The following RAB2A variants were observed in gnomAD, a reference collection of about 807,000 sequenced individuals.
The protein encoded by RAB2A is RAB2A, member RAS oncogene family.
In RAB2A, 7 loss-of-function variants were observed where a neutral mutation model predicts 32.5. The ratio of observed to expected loss-of-function variants is 0.22; its 90% CI spans 0.12 to 0.40. The LOEUF (loss-of-function observed/expected upper bound fraction) is 0.40. RAB2A is among the 10% of genes least tolerant of loss of function. The probability of loss-of-function intolerance (pLI) is 1.00; values close to 1 mark genes in which losing one functional copy is unlikely to be tolerated. For missense variants in RAB2A, 108 were observed against 260.7 expected, an observed-to-expected ratio of 0.41 and a Z score of 4.03; for synonymous variants, 79 against 85.2, an observed-to-expected ratio of 0.93 and a Z score of 0.40.
At chr8:60,567,897 G>A (rs1434831709) in intron 2 of RAB2A, among the ~76,000 whole-genome samples, 1 of 151,948 alleles carries the variant, frequency 6.6e-6, no homozygotes, top group Non-Finnish European at 1.5e-5. Flanking sequence ...AAAGTCTCTA[G>A]AATAATTTCC....
chr8:60,585,973 C>T (rs909384419), intron 5 of RAB2A, among the ~76,000 whole-genome samples: 3 of 152,112 alleles, frequency 2.0e-5, no homozygotes, highest in African/African-American at 7.2e-5. Context: ...GTGTGAGATG[C>T]AGTTAAAATA....
Position 60,526,056 on chromosome 8 carries a change from T to TA in RAB2A, c.46+8805dup, listed in dbSNP as rs1554550764. Reference sequence around the variant, plus strand: ...ATATATATATATATATATATATATATAAGTTTTCTGTTGCTAGCATAACAA... The same window carrying TA: ...ATATATATATATATATATATATATATAAAGTTTTCTGTTGCTAGCATAACAA... On this transcript the variant is annotated intron_variant, in intron 1 of 7. Transcript: ENST00000262646. 1.9e-3 allele frequency among the ~76,000 whole-genome samples: 239 copies of TA among 125,540 alleles called. 4 individuals carry two copies. The highest frequency in any genetic ancestry group is 5.0e-3 in the East Asian group (20 of 3,976). 82.4% of individuals were successfully genotyped at this position (125,540 alleles called of 152,430 possible). A position where few individuals can be genotyped will look rare whatever the true frequency, so the allele number is the denominator to read the frequency against.
At chr8:60,557,266 A>C (rs111424922) in intron 1 of RAB2A, among the ~76,000 whole-genome samples, 1 of 152,072 alleles carries the variant, frequency 6.6e-6, no homozygotes, top group African/African-American at 2.4e-5. Flanking sequence ...CTATAATCCC[A>C]GCATTTTGGG....
At position 60,620,766 on chromosome 8, in the gene RAB2A, T is replaced by C; in HGVS notation, c.636T>C (p.Cys212=). 6.2e-7 allele frequency: 1 copy of C among 1,612,838 alleles called. No homozygotes were observed. The highest frequency in any genetic ancestry group is 8.5e-7 in the Non-Finnish European group (1 of 1,179,632). ...GACAGCAGGCTGGGGGCGGCTGCTG[T>C]TGAGTCTGTTTTTACTGTCTAGCTG... ...QGGQQAGGGC[C] is the part of the protein sequence containing the mutation. Residue 212 remains cysteine, a synonymous_variant, in exon 8 of 8, where the codon TGT becomes TGC. Transcript: ENST00000262646.
chr8:60,545,789 A>G (rs1470546338), intron 1 of RAB2A, among the ~76,000 whole-genome samples: 1 of 152,258 alleles, frequency 6.6e-6, no homozygotes, highest in Non-Finnish European at 1.5e-5. Flanking sequence ...TGATCTGTGT[A>G]TATCCAAGAT....
At chr8:60,523,373 T>C (rs1807330549) in intron 1 of RAB2A, among the ~76,000 whole-genome samples, 1 of 151,070 alleles carries the variant, frequency 6.6e-6, no homozygotes, top group Non-Finnish European at 1.5e-5. Flanking sequence ...TAGCCAGGAT[T>C]GTCTTGATCT....
At chr8:60,619,551 A>T (rs905258119) in intron 7 of RAB2A, among the ~76,000 whole-genome samples, 1 of 152,222 alleles carries the variant, frequency 6.6e-6, no homozygotes, top group African/African-American at 2.4e-5. Flanking sequence ...GTTTCCAAAA[A>T]GTACATGATT....
chr8:60,576,094 C>T (rs1037255204), intron 3 of RAB2A: 1 of 387,526 alleles, frequency 2.6e-6, no homozygotes, highest in African/African-American at 2.1e-5. Context: ...TGAAGGCCAT[C>T]AATCAGTTTC....
chr8:60,580,314 C>T (rs1016460118), intron 3 of RAB2A, among the ~76,000 whole-genome samples: 2 of 152,094 alleles, frequency 1.3e-5, no homozygotes, highest in Non-Finnish European at 1.5e-5. Context: ...TTTTAAAAAT[C>T]AAATTACTTT....
intron 2 of RAB2A, among the ~76,000 whole-genome samples, chr8:60,568,945 G>A (rs1357302053): frequency 6.6e-6 from 1 of 152,162 alleles, no homozygotes; most frequent in Non-Finnish European, 1.5e-5. Flanking sequence ...TAAGGAAAAT[G>A]ATTTTAAAAT....
At chr8:60,519,586 C>T (rs1807270101) in intron 1 of RAB2A, among the ~76,000 whole-genome samples, 1 of 152,188 alleles carries the variant, frequency 6.6e-6, no homozygotes, top group Non-Finnish European at 1.5e-5. Flanking sequence ...TTATGTTTCT[C>T]ACTTTGTGTC....
At chr8:60,599,962 A>G (rs1259166179) in intron 6 of RAB2A, among the ~76,000 whole-genome samples, 1 of 152,114 alleles carries the variant, frequency 6.6e-6, no homozygotes, top group Non-Finnish European at 1.5e-5. Context: ...ATGAAAAGAC[A>G]CATCTTCAGA....
chr8:60,589,640 G>GA (rs1360127558), intron 5 of RAB2A, among the ~76,000 whole-genome samples: 2 of 152,158 alleles, frequency 1.3e-5, no homozygotes, highest in Admixed American at 6.5e-5. Context: ...TAAATTAAAA[G>GA]AAAGATACTT....
At chr8:60,543,895 C>T (rs1316220799) in intron 1 of RAB2A, among the ~76,000 whole-genome samples, 1 of 151,748 alleles carries the variant, frequency 6.6e-6, no homozygotes, top group Non-Finnish European at 1.5e-5. Flanking sequence ...AACCCCGTCT[C>T]TACTAAAAAT....
At chr8:60,605,832 C>CATACATATATATATATATAT (rs1804219984) in intron 6 of RAB2A, among the ~76,000 whole-genome samples, 1 of 120,806 alleles carries the variant, frequency 8.3e-6, no homozygotes, top group African/African-American at 3.8e-5. Context: ...GGGACTAATA[C>CATACATATATATATATATAT]ATATATACAT....
intron 1 of RAB2A, among the ~76,000 whole-genome samples, chr8:60,548,696 T>A (rs2130823255): frequency 7.7e-6 from 1 of 129,616 alleles, no homozygotes; most frequent in Non-Finnish European, 1.6e-5. Flanking sequence ...GAGGGGCTCC[T>A]CACTTCCCAG....
chr8:60,599,231 C>T (rs1003017516), intron 6 of RAB2A, among the ~76,000 whole-genome samples: 4 of 152,010 alleles, frequency 2.6e-5, no homozygotes, highest in African/African-American at 7.3e-5. Context: ...ACAGCATGTG[C>T]AGGCCATGTA....
intron 7 of RAB2A, among the ~76,000 whole-genome samples, chr8:60,619,626 A>G (rs190083633): frequency 6.6e-5 from 10 of 152,316 alleles, no homozygotes; most frequent in Non-Finnish European, 1.3e-4. Flanking sequence ...ATATGACGGT[A>G]CTTCTTGAGT....
At chr8:60,556,265 C>G (rs921067523) in intron 1 of RAB2A, among the ~76,000 whole-genome samples, 1 of 152,096 alleles carries the variant, frequency 6.6e-6, no homozygotes, top group African/African-American at 2.4e-5. Flanking sequence ...TACAAAATTA[C>G]AGCAGGAATA....
Sources: allele counts gnomAD v4.1 joint callset (sites outside exome capture counted in the v4.1 genomes callset), GRCh38; gene constraint gnomAD v4.1.1; transcripts MANE v1.5; gene names NCBI Gene and HGNC (gene_info 2026-07-23, HGNC 2026-07-21).